The following VPS13D variants were observed in gnomAD, a reference collection of about 807,000 sequenced individuals.
VPS13D encodes vacuolar protein sorting 13 homolog D.
Under a neutral mutation model 461.9 loss-of-function variants are expected in VPS13D, and 187 were observed. The ratio of observed to expected loss-of-function variants is 0.40; its 90% CI spans 0.36 to 0.46. The LOEUF (loss-of-function observed/expected upper bound fraction) is 0.46, where lower values mean the gene tolerates loss of function less well. Among genes scored for constraint, VPS13D ranks in the 20% least tolerant of loss-of-function variants. The pLI is 0.60. For missense variants in VPS13D, 4,711 were observed against 5,364.9 expected (o/e 0.88, Z 3.81); for synonymous variants, 1,951 against 1,986.3 (o/e 0.98, Z 0.47).
rs1553187933 is a variant in VPS13D, at chr1:12,396,029, A to ATATATATATATATATATATT, written c.11635-4152_11635-4151insTATATATATATATATATATT. On this transcript the variant is annotated intron_variant, in intron 60 of 69. Coordinates refer to ENST00000620676, the MANE Select transcript of VPS13D (RefSeq NM_015378.4). ...TATATATATATATATATATATATATAGTTCTTTAAGATCAATAAAATTAAT... is the reference window on the plus strand; with the variant it reads ...TATATATATATATATATATATATATATATATATATATATATATATTGTTCTTTAAGATCAATAAAATTAAT... Among the ~76,000 whole-genome samples the ATATATATATATATATATATT allele has an allele frequency of 2.9e-3, 346 of 119,728 alleles. 32 individuals are homozygous for ATATATATATATATATATATT. The highest frequency in any genetic ancestry group is 0.012 in the African/African-American group (304 of 26,092). 78.5% of individuals were successfully genotyped at this position (119,728 alleles called of 152,430 possible). A position where few individuals can be genotyped will look rare whatever the true frequency, so the allele number is the denominator to read the frequency against.
At chr1:12,485,801 G>T (rs1228809194) in intron 67 of VPS13D, among the ~76,000 whole-genome samples, 1 of 152,082 alleles carries the variant, frequency 6.6e-6, no homozygotes. Context: ...TAACACTGGG[G>T]GCACTTAATT....
intron 67 of VPS13D, among the ~76,000 whole-genome samples, chr1:12,486,996 C>G (rs1645806201): frequency 6.6e-6 from 1 of 152,116 alleles, no homozygotes; most frequent in African/African-American, 2.4e-5. Context: ...AAGAATCACC[C>G]TCCCTGGAAG....
intron 50 of VPS13D, among the ~76,000 whole-genome samples, chr1:12,360,182 C>G (rs1643928432): frequency 1.3e-5 from 2 of 152,164 alleles, no homozygotes; most frequent in Admixed American, 1.3e-4. Flanking sequence ...GTTGATCCAC[C>G]TAGGGAAGGG....
rs138247531 is a variant in VPS13D, at chr1:12,369,709, C to G, written c.10808+7C>G. 5.0e-6 allele frequency: 8 copies of G among 1,610,020 alleles called. No individual in the cohort carries two copies. Among genetic ancestry groups the G allele is most frequent in the Non-Finnish European group, 5.9e-6 (7 of 1,176,818 alleles). On this transcript the variant is annotated splice_region_variant and intron_variant, in intron 54 of 69. Coordinates refer to ENST00000620676, the MANE Select transcript of VPS13D (RefSeq NM_015378.4). Reference sequence around the variant, plus strand: ...CTACATATACATTCTCTGGGTAATTCTTGATTAAATTACTGTTCCTATAAA... The same window carrying G: ...CTACATATACATTCTCTGGGTAATTGTTGATTAAATTACTGTTCCTATAAA...
At chr1:12,237,700 G>A (rs777226092) in intron 2 of VPS13D, among the ~76,000 whole-genome samples, 1 of 151,734 alleles carries the variant, frequency 6.6e-6, no homozygotes. Flanking sequence ...TGTGGTGCAC[G>A]CCTGTGGTTC....
At chr1:12,379,386 C>T (rs1644242394) in intron 56 of VPS13D, 102 bp from the exon 57 acceptor site, 1 of 1,009,196 alleles carries the variant, frequency 9.9e-7, no homozygotes, top group Admixed American at 2.2e-5. Flanking sequence ...GGGTGGAGGG[C>T]ATTAGAAGGA....
At chr1:12,490,685 A>G (rs1183254806) in intron 67 of VPS13D, among the ~76,000 whole-genome samples, 6 of 151,824 alleles carry the variant, frequency 4.0e-5, no homozygotes, top group African/African-American at 1.5e-4. Flanking sequence ...TGGGAGCTAC[A>G]GGTCTGAGAT....
At chr1:12,443,956 C>T (rs1645161045) in intron 65 of VPS13D, among the ~76,000 whole-genome samples, 1 of 152,054 alleles carries the variant, frequency 6.6e-6, no homozygotes, top group Non-Finnish European at 1.5e-5. Flanking sequence ...AACGATTTTC[C>T]CACCTCAGCC....
intron 60 of VPS13D, among the ~76,000 whole-genome samples, chr1:12,391,447 A>G (rs1489009097): frequency 1.3e-5 from 2 of 152,154 alleles, no homozygotes; most frequent in Admixed American, 6.5e-5. Flanking sequence ...CCACTTCCTC[A>G]TGTAACTTAC....
intron 1 of VPS13D, among the ~76,000 whole-genome samples, chr1:12,230,797 C>T (rs1442077814): frequency 2.0e-5 from 3 of 152,154 alleles, no homozygotes; most frequent in Admixed American, 2.0e-4. Flanking sequence ...AGGGTCACGC[C>T]CTGGCCCAGC....
intron 31 of VPS13D, among the ~76,000 whole-genome samples, chr1:12,318,642 C>T (rs1422257773): frequency 1.3e-5 from 2 of 152,028 alleles, no homozygotes; most frequent in East Asian, 3.9e-4. Flanking sequence ...TGTAATTTGC[C>T]GTTTGATCTT....
rs186255245 is a variant in VPS13D, at chr1:12,275,178, C to T, written c.2237-647C>T. Among the ~76,000 whole-genome samples the T allele has an allele frequency of 1.9e-3, 288 of 152,234 alleles. 1 individual carries two copies. The highest frequency in any genetic ancestry group is 6.4e-3 in the African/African-American group (265 of 41,544). ...AGGTTGTAGTGAGCCAAGATCATGC[C>T]ACTGCACTCCAGCCTGGGTGACAGA... On this transcript the variant is annotated intron_variant, in intron 18 of 69. Transcript: ENST00000620676.
chr1:12,231,888 A>T (rs1274711552), intron 1 of VPS13D, among the ~76,000 whole-genome samples: 5 of 152,148 alleles, frequency 3.3e-5, no homozygotes, highest in Non-Finnish European at 7.4e-5. Flanking sequence ...CTCAGGAGGC[A>T]GAGGTAGGAG....
chr1:12,379,973 G>A (rs1644251574), intron 57 of VPS13D, among the ~76,000 whole-genome samples: 1 of 152,084 alleles, frequency 6.6e-6, no homozygotes, highest in Admixed American at 6.5e-5. Context: ...GTTTCACCAT[G>A]TTAGCCAGGA....
At chr1:12,482,634 A>G (rs961714056) in intron 67 of VPS13D, among the ~76,000 whole-genome samples, 27 of 152,240 alleles carry the variant, frequency 1.8e-4, no homozygotes, top group Non-Finnish European at 3.4e-4. Context: ...TCCCACTTCA[A>G]AGAAGAAAAT....
At position 12,271,029 on chromosome 1, in the gene VPS13D, G is replaced by A; in HGVS notation, c.2008G>A (p.Ala670Thr). Reference protein sequence around the residue: ...GYQSELELRVAEAARRQYNKL... With the variant: ...GYQSELELRVTEAARRQYNKL... ...TCAGTCTGAACTTGAGCTGAGAGTG[G>A]CTGAAGCTGCCCGAAGACAATATAA... The change falls in exon 17 of 70, where the codon GCT becomes ACT. Residue 670 changes from alanine (A) to threonine (T), a missense_variant. Physicochemically the swap from Ala to Thr is moderately conservative, Grantham distance 58 (BLOSUM62 0). Coordinates refer to ENST00000620676, the MANE Select transcript of VPS13D (RefSeq NM_015378.4). 6.2e-7 allele frequency: 1 copy of A among 1,613,898 alleles called. No individual in the cohort carries two copies. The highest frequency in any genetic ancestry group is 1.1e-5 in the South Asian group (1 of 91,074).
intron 50 of VPS13D, among the ~76,000 whole-genome samples, chr1:12,362,108 C>T (rs544586137): frequency 6.6e-6 from 1 of 152,250 alleles, no homozygotes; most frequent in East Asian, 1.9e-4. Context: ...AATGATCCAC[C>T]CATCTCGGCC....
intron 66 of VPS13D, 30 bp from the exon 67 acceptor site, chr1:12,460,171 G>C (rs779186189): frequency 2.0e-6 from 3 of 1,533,308 alleles, no homozygotes; most frequent in Admixed American, 2.0e-5. Flanking sequence ...GTCCTCGTCA[G>C]GTTACAACAG....
chr1:12,394,201 T>C (rs1408346115), intron 60 of VPS13D, among the ~76,000 whole-genome samples: 1 of 152,116 alleles, frequency 6.6e-6, no homozygotes, highest in East Asian at 1.9e-4. Context: ...CTGGCTCAAG[T>C]CTAGAAATTG....
Sources: allele counts gnomAD v4.1 joint callset (sites outside exome capture counted in the v4.1 genomes callset), GRCh38; gene constraint gnomAD v4.1.1; transcripts MANE v1.5; gene names NCBI Gene and HGNC (gene_info 2026-07-23, HGNC 2026-07-21).